BTBD18: variants seen among roughly 807,000 people sequenced by gnomAD.
BTBD18 encodes BTB domain containing 18.
For synonymous variants in BTBD18, 311 were observed against 324.4 expected (o/e 0.96, Z 0.44); for missense variants, 787 against 846.3 (o/e 0.93, Z 0.87).
rs1219547068 is a variant in BTBD18, at chr11:57,745,592, A to G, written c.681T>C (p.His227=). The change falls in exon 3 of 3, where the codon CAT becomes CAC. Residue 227 remains histidine (H), a synonymous_variant. Transcript: ENST00000422652. Reference sequence around the variant, plus strand: ...TCTTGTTCTCTCTAGGCTCTTGACTATGGCTTGATGGTGAAGAGTTTTTTT... The same window carrying G: ...TCTTGTTCTCTCTAGGCTCTTGACTGTGGCTTGATGGTGAAGAGTTTTTTT... ...PQEKNSSPSS[H]SQEPRENKND... 6 of 1,551,564 alleles carry G rather than the reference A, an allele frequency of 3.9e-6. No homozygotes were observed. In the South Asian group the frequency reaches 4.8e-5, roughly 12 times the overall value.
chr11:57,751,145 C>G lies in BTBD18; in HGVS notation c.44G>C (p.Arg15Pro), dbSNP rs528515713. Residue 15 changes from arginine (R) to proline (P), a missense_variant, in exon 2 of 3, where the codon CGG (arginine) becomes CCG (proline). By Grantham distance (103) the Arg-to-Pro change is moderately radical. Coordinates refer to ENST00000422652, the MANE Select transcript of BTBD18 (RefSeq NM_001145101.3). ...ASPKILYRNP[R>P]FLRLAFLQLH... ...CTGCAGAAAAGCTAACCTGAGGAAC[C>G]GGGGGTTCCTGTATAGGATTTTGGG... 2 of 1,550,086 alleles carry G rather than the reference C, an allele frequency of 1.3e-6. No homozygotes were observed. Among genetic ancestry groups the G allele is most frequent in the Non-Finnish European group, 8.7e-7 (1 of 1,146,462 alleles).
At position 57,744,319 on chromosome 11, in the gene BTBD18, G is replaced by A; in HGVS notation, c.1954C>T (p.Pro652Ser). Reference sequence around the variant, plus strand: ...CCAGATACCTCCTTGCCTGCCTTGGGAGAAGGGTATAATAACTCATCTGTA... The same window carrying A: ...CCAGATACCTCCTTGCCTGCCTTGGAAGAAGGGTATAATAACTCATCTGTA... ...LTTDELLYPSPKAGKEVSGHS... is the reference protein window; with the variant it reads ...LTTDELLYPSSKAGKEVSGHS... The change falls in exon 3 of 3, where the codon CCC (proline) becomes TCC (serine). Residue 652 changes from proline to serine, a missense_variant. Pro to Ser is a moderately conservative substitution (Grantham distance 74). Transcript: ENST00000422652. 6.4e-7 allele frequency: 1 copy of A among 1,551,656 alleles called. No homozygotes were observed. The highest frequency in any genetic ancestry group is 8.7e-7 in the Non-Finnish European group (1 of 1,146,960).
intron 2 of BTBD18, among the ~76,000 whole-genome samples, chr11:57,750,477 C>G (rs1209939268): frequency 1.3e-5 from 2 of 152,258 alleles, no homozygotes; most frequent in Non-Finnish European, 2.9e-5. Flanking sequence ...GGGTGGATCA[C>G]TTGAGGCCAG....
chr11:57,749,911 T>C (rs1337178812), intron 2 of BTBD18, among the ~76,000 whole-genome samples: 1 of 152,216 alleles, frequency 6.6e-6, no homozygotes, highest in East Asian at 1.9e-4. Context: ...TGGGCCTTTA[T>C]ATATCAGGAT....
At chr11:57,748,564 GA>G (rs71061539) in intron 2 of BTBD18, among the ~76,000 whole-genome samples, 39 of 145,148 alleles carry the variant, frequency 2.7e-4, no homozygotes, top group African/African-American at 6.4e-4. Context: ...AGAAAAAAAA[GA>G]AAAAAAAAAA....
chr11:57,745,191 C>T lies in BTBD18; in HGVS notation c.1082G>A (p.Arg361Lys), dbSNP rs1949165906. ...CCAGCAAGTCCCATTGACAATCTTC[C>T]TAAGTTTAACTCTCCCAACCTGCCC... is the stretch of plus-strand genomic sequence containing the variant. ...EEGQVGRVKLRKIVNGTCWEV... is the reference protein window; with the variant it reads ...EEGQVGRVKLKKIVNGTCWEV... The change falls in exon 3 of 3, where the codon AGG becomes AAG. Residue 361 changes from arginine to lysine, a missense_variant. Physicochemically the swap from Arg to Lys is conservative, Grantham distance 26. Coordinates refer to ENST00000422652, the MANE Select transcript of BTBD18 (RefSeq NM_001145101.3). 6.4e-7 allele frequency: 1 copy of T among 1,551,542 alleles called. No homozygotes were observed. The highest frequency in any genetic ancestry group is 1.4e-5 in the African/African-American group (1 of 73,014).
chr11:57,745,089 T>A lies in BTBD18; in HGVS notation c.1184A>T (p.Glu395Val), dbSNP rs1388636959. ...GGAGAATGGCTGAGTTCCTGAAGGC[T>A]CTTGGAAGTCTCCTCCGGGATCTGG... is the stretch of plus-strand genomic sequence containing the variant. ...QIPDPGGDFQ[E>V]PSGTQPFSSN... The change falls in exon 3 of 3, where the codon GAG becomes GTG. Residue 395 changes from glutamate (E) to valine (V), a missense_variant. Physicochemically the swap from Glu to Val is moderately radical, Grantham distance 121 (BLOSUM62 -2). Transcript: ENST00000422652. 1.3e-6 allele frequency: 2 copies of A among 1,551,560 alleles called. No individual in the cohort carries two copies. The highest frequency in any genetic ancestry group is 1.7e-6 in the Non-Finnish European group (2 of 1,146,986).
rs948851810 is a variant in BTBD18 at position 57,743,886 on chromosome 11, G to C, written c.*248C>G. On this transcript the variant is annotated 3_prime_UTR_variant, in exon 3 of 3. Transcript: ENST00000422652. ...ACCAGAATTGGGGAGCACACAGTTT[G>C]TTTCAGTTGTCACTAACCGGAAAAT... 1 of 406,414 alleles carries C rather than the reference G, an allele frequency of 2.5e-6. No individual in the cohort carries two copies. The highest frequency in any genetic ancestry group is 4.0e-5 in the Admixed American group (1 of 25,058). 25.2% of individuals were successfully genotyped at this position (406,414 alleles called of 1,614,324 possible). A position where few individuals can be genotyped will look rare whatever the true frequency, so the allele number is the denominator to read the frequency against.
intron 2 of BTBD18, among the ~76,000 whole-genome samples, chr11:57,749,011 C>T (rs997260954): frequency 5.3e-5 from 8 of 152,146 alleles, no homozygotes; most frequent in Non-Finnish European, 1.2e-4. Flanking sequence ...CTGCTGTCTG[C>T]CAGGAAAAAT....
rs1949136095 is a variant in BTBD18, at chr11:57,743,600, ATCT to A, written c.*531_*533del. 1.3e-5 allele frequency: 2 copies of A among 152,474 alleles called. No homozygotes were observed. Among genetic ancestry groups the A allele is most frequent in the East Asian group, 1.9e-4 (1 of 5,192 alleles). The allele number at this position is 152,474 out of a possible 1,614,324, so 9.4% of individuals were successfully genotyped here. On this transcript the variant is annotated 3_prime_UTR_variant, in exon 3 of 3. Coordinates refer to ENST00000422652, the MANE Select transcript of BTBD18 (RefSeq NM_001145101.3). The stretch of plus-strand genomic sequence containing the variant: ...TTTTTGGAAGTAATGATGGAAGTAC[ATCT>A]TCTTGGCCCCTGCAGAGGTTTTAGC...
upstream of BTBD18, among the ~76,000 whole-genome samples, chr11:57,751,957 G>A (rs1287078580): frequency 6.6e-6 from 1 of 152,180 alleles, no homozygotes; most frequent in African/African-American, 2.4e-5. Context: ...ACCAAAGCGA[G>A]CCTGACTGAC....
chr11:57,749,165 C>T (rs1949248935), intron 2 of BTBD18, among the ~76,000 whole-genome samples: 1 of 152,136 alleles, frequency 6.6e-6, no homozygotes. Flanking sequence ...TATGACTTAC[C>T]CAATTATATT....
rs1949179788 is a variant in BTBD18 at position 57,745,907 on chromosome 11, G to T, written c.366C>A (p.Ser122=). The T allele has an allele frequency of 4.5e-6, 7 of 1,551,652 alleles. No homozygotes were observed. Among genetic ancestry groups the T allele is most frequent in the Non-Finnish European group, 6.1e-6 (7 of 1,146,970 alleles). Residue 122 remains serine, a synonymous_variant, in exon 3 of 3, where the codon TCC becomes TCA. Coordinates refer to ENST00000422652, the MANE Select transcript of BTBD18 (RefSeq NM_001145101.3). Reference sequence around the variant, plus strand: ...CCAACTTTCCACCCTCAAGCTGAAGGGATTCCAGCTCAGACACACGGAGCT... The same window carrying T: ...CCAACTTTCCACCCTCAAGCTGAAGTGATTCCAGCTCAGACACACGGAGCT... ...ARQLRVSELE[S]LQLEGGKLVK...
chr11:57,745,897 C>T lies in BTBD18; in HGVS notation c.376G>A (p.Glu126Lys). The T allele has an allele frequency of 6.4e-7, 1 of 1,551,672 alleles. No homozygotes were observed. The highest frequency in any genetic ancestry group is 8.7e-7 in the Non-Finnish European group (1 of 1,146,978). ...GGGGCCTTCACCAACTTTCCACCCT[C>T]AAGCTGAAGGGATTCCAGCTCAGAC... ...RVSELESLQL[E>K]GGKLVKAPQG... The change falls in exon 3 of 3, where the codon GAG (glutamate) becomes AAG (lysine). Residue 126 changes from glutamate (E) to lysine (K), a missense_variant. Transcript: ENST00000422652.
chr11:57,744,384 C>G lies in BTBD18; in HGVS notation c.1889G>C (p.Cys630Ser), dbSNP rs1949149274. The G allele has an allele frequency of 6.4e-7, 1 of 1,551,550 alleles. No individual in the cohort carries two copies. The highest frequency in any genetic ancestry group is 8.7e-7 in the Non-Finnish European group (1 of 1,146,982). Reference protein sequence around the residue: ...QRSYGDLSPPCSNWVETGLEV... With the variant: ...QRSYGDLSPPSSNWVETGLEV... ...CAGCCCAGTCTCCACCCAGTTTGAG[C>G]AGGGAGGTGAGAGGTCCCCATAAGA... The change falls in exon 3 of 3, where the codon TGC (cysteine) becomes TCC (serine). Residue 630 changes from cysteine (C) to serine (S), a missense_variant. Cys to Ser is a moderately radical substitution (Grantham distance 112). Transcript: ENST00000422652.
At chr11:57,748,139 C>A (rs767280850) in intron 2 of BTBD18, among the ~76,000 whole-genome samples, 19 of 152,082 alleles carry the variant, frequency 1.2e-4, no homozygotes, top group Non-Finnish European at 2.6e-4. Flanking sequence ...CTAGGCTGGT[C>A]TTGAACTCCT....
Position 57,746,013 on chromosome 11 carries a change from C to T in BTBD18, c.260G>A (p.Arg87Lys). ...ELGGLKISTLRKLVDFLYTSE... is the reference protein window; with the variant it reads ...ELGGLKISTLKKLVDFLYTSE... The stretch of plus-strand genomic sequence containing the variant: ...GGTATACAAGAAGTCCACCAGCTTC[C>T]TAAGTGTGCTGATCTTCAGGCCACC... Residue 87 changes from arginine (R) to lysine (K), a missense_variant, in exon 3 of 3, where the codon AGG becomes AAG. Physicochemically the swap from Arg to Lys is conservative, Grantham distance 26. Transcript: ENST00000422652. 1 of 1,551,656 alleles carries T rather than the reference C, an allele frequency of 6.4e-7. No homozygotes were observed. Among genetic ancestry groups the T allele is most frequent in the Non-Finnish European group, 8.7e-7 (1 of 1,146,978 alleles).
chr11:57,750,824 G>A (rs1949291454), intron 2 of BTBD18, among the ~76,000 whole-genome samples: 1 of 152,200 alleles, frequency 6.6e-6, no homozygotes, highest in Admixed American at 6.5e-5. Context: ...ATGTTATATA[G>A]AATGTATCTG....
Position 57,743,767 on chromosome 11 carries a change from AGAGGAG to A in BTBD18, c.*361_*366del, listed in dbSNP as rs1467549140. The A allele has an allele frequency of 5.2e-6, 1 of 190,858 alleles. No homozygotes were observed. The highest frequency in any genetic ancestry group is 2.4e-5 in the African/African-American group (1 of 42,484). The allele number at this position is 190,858 out of a possible 1,614,324, so 11.8% of individuals were successfully genotyped here. On this transcript the variant is annotated 3_prime_UTR_variant, in exon 3 of 3. Transcript: ENST00000422652. ...ATTTTCTTAAACAATACCCCACCAC[AGAGGAG>A]GGTGTTCTTTCTCAGCTTTTCCTAA...
Sources: allele counts gnomAD v4.1 joint callset (sites outside exome capture counted in the v4.1 genomes callset), GRCh38; gene constraint gnomAD v4.1.1; transcripts MANE v1.5; gene names NCBI Gene and HGNC (gene_info 2026-07-23, HGNC 2026-07-21).